Variants in FAM91A1 observed in about 807,000 individuals in gnomAD.
The protein encoded by FAM91A1 is family with sequence similarity 91 member A1.
In FAM91A1, 41 loss-of-function variants were observed where a neutral mutation model predicts 113.5. The observed-to-expected ratio is 0.36, with a 90% CI of 0.28 to 0.47. The LOEUF (loss-of-function observed/expected upper bound fraction) is 0.47. FAM91A1 is among the 20% of genes least tolerant of loss of function. FAM91A1 has a pLI of 1.00. For missense variants in FAM91A1, 696 were observed against 1,001.2 expected, an observed-to-expected ratio of 0.70 and a Z score of 4.11; for synonymous variants, 307 against 347.9, an observed-to-expected ratio of 0.88 and a Z score of 1.31.
chr8:123,787,275 G>C lies in FAM91A1; in HGVS notation c.1093G>C (p.Val365Leu). The C allele has an allele frequency of 1.2e-6, 2 of 1,610,492 alleles. No homozygotes were observed. The highest frequency in any genetic ancestry group is 2.2e-5 in the South Asian group (2 of 90,848). Residue 365 changes from valine to leucine, a missense_variant, in exon 13 of 24, where the codon GTA (valine) becomes CTA (leucine). By Grantham distance (32) the Val-to-Leu change is conservative. Transcript: ENST00000334705. ...GTGTTTTTCAGCTGACACAGCCAGTGTAAGCAGCCTGAGTCTGTCTACAGG... is the reference window on the plus strand; with the variant it reads ...GTGTTTTTCAGCTGACACAGCCAGTCTAAGCAGCCTGAGTCTGTCTACAGG... The part of the protein sequence containing the change: ...SQEDPADTAS[V>L]SSLSLSTGHT...
intron 1 of FAM91A1, among the ~76,000 whole-genome samples, chr8:123,770,177 T>G (rs1295844185): frequency 2.6e-5 from 4 of 152,182 alleles, no homozygotes; most frequent in Admixed American, 6.5e-5. Flanking sequence ...GGTCTCGATA[T>G]CTTGACCTCA....
chr8:123,806,082 T>G lies in FAM91A1; in HGVS notation c.1885T>G (p.Phe629Val), dbSNP rs1169042776. 1 of 1,587,126 alleles carries G rather than the reference T, an allele frequency of 6.3e-7. No individual in the cohort carries two copies. The highest frequency in any genetic ancestry group is 8.6e-7 in the Non-Finnish European group (1 of 1,164,032). Reference protein sequence around the residue: ...PFDETELQGEFTRVNMGVHKA... With the variant: ...PFDETELQGEVTRVNMGVHKA... ...TGTGATGTCCGTTCTGTTTGTAGAG[T>G]TCACTCGTGTCAATATGGGTGTTCA... The change falls in exon 20 of 24, where the codon TTC becomes GTC. Residue 629 changes from phenylalanine to valine, a missense_variant and splice_region_variant. Phe to Val is a conservative substitution (Grantham distance 50). Coordinates refer to ENST00000334705, the MANE Select transcript of FAM91A1 (RefSeq NM_144963.4).
chr8:123,803,031 G>C (rs534850236), intron 18 of FAM91A1, among the ~76,000 whole-genome samples: 3 of 152,290 alleles, frequency 2.0e-5, no homozygotes, highest in Admixed American at 6.5e-5. Context: ...AGGGTGGCTG[G>C]GTGCAGTGGC....
At chr8:123,800,008 A>C in intron 18 of FAM91A1, 123 bp downstream of exon 18, 1 of 842,060 alleles carries the variant, frequency 1.2e-6, no homozygotes, top group South Asian at 2.1e-5. Flanking sequence ...AATGTAAAAA[A>C]TCAGAGATAT....
chr8:123,784,579 A>G lies in FAM91A1; in HGVS notation c.810+3A>G, dbSNP rs778450306. ...ATGAGCACACAAATGTTGCAGAGGTAAGTTTGACAACGTCTCATGAAAATA... is the reference window on the plus strand; with the variant it reads ...ATGAGCACACAAATGTTGCAGAGGTGAGTTTGACAACGTCTCATGAAAATA... On this transcript the variant is annotated splice_donor_region_variant and intron_variant, in intron 9 of 23. Transcript: ENST00000334705. 2.5e-6 allele frequency: 4 copies of G among 1,579,510 alleles called. No individual in the cohort carries two copies. Among genetic ancestry groups the G allele is most frequent in the East Asian group, 2.3e-5 (1 of 44,044 alleles).
At chr8:123,785,517 G>T (rs887482899) in intron 10 of FAM91A1, 112 bp from the exon 11 acceptor site, 11 of 728,204 alleles carry the variant, frequency 1.5e-5, no homozygotes, top group Non-Finnish European at 2.3e-5. Flanking sequence ...CTGGTTACGG[G>T]ATGAAAATGT....
In FAM91A1 at chr8:123,778,065, T is replaced by A; in HGVS notation, c.408T>A (p.Asp136Glu). 1 of 1,612,750 alleles carries A rather than the reference T, an allele frequency of 6.2e-7. No homozygotes were observed. The highest frequency in any genetic ancestry group is 1.1e-5 in the South Asian group (1 of 91,018). ...LLGIGRNQYI[D>E]LMNQCRSSKK... The stretch of plus-strand genomic sequence containing the variant: ...GCATAGGAAGAAACCAGTATATTGA[T>A]CTTATGAATCAGTGTAGATCATCAA... Residue 136 changes from aspartate (D) to glutamate (E), a missense_variant, in exon 5 of 24, where the codon GAT (aspartate) becomes GAA (glutamate). Asp to Glu is a conservative substitution (Grantham distance 45). Transcript: ENST00000334705.
intron 7 of FAM91A1, 41 bp downstream of exon 7, chr8:123,780,116 CT>C (rs770329558): frequency 1.3e-6 from 2 of 1,564,630 alleles, no homozygotes; most frequent in Admixed American, 3.5e-5. Flanking sequence ...AACATAAAAA[CT>C]TGTTTTAAAC....
chr8:123,778,824 A>G, intron 6 of FAM91A1, 52 bp downstream of exon 6: 1 of 1,201,896 alleles, frequency 8.3e-7, no homozygotes, highest in Non-Finnish European at 1.1e-6. Flanking sequence ...AGTTTATTTT[A>G]CAATTTTTAA....
chr8:123,770,153 A>G (rs1444614245), intron 1 of FAM91A1, among the ~76,000 whole-genome samples: 1 of 152,030 alleles, frequency 6.6e-6, no homozygotes, highest in Non-Finnish European at 1.5e-5. Flanking sequence ...GGGTTTCATC[A>G]TGTTGGCCAG....
In FAM91A1 at chr8:123,806,149, A is replaced by G. The variant is rs760489606; in HGVS notation, c.1952A>G (p.His651Arg). The change falls in exon 20 of 24, where the codon CAT becomes CGT. Residue 651 changes from histidine (H) to arginine (R), a missense_variant. Transcript: ENST00000334705. ...QILRNRVDLQ[H>R]LCGYVTMLNA... ...CTAAGGAACAGAGTGGACTTACAGC[A>G]TCTCTGTGGATATGTCACCATGTTG... The G allele has an allele frequency of 1.2e-6, 2 of 1,613,540 alleles. No individual in the cohort carries two copies. The highest frequency in any genetic ancestry group is 2.2e-5 in the East Asian group (1 of 44,858).
At chr8:123,780,204 T>G (rs945125711) in intron 7 of FAM91A1, 129 bp downstream of exon 7, 10 of 828,930 alleles carry the variant, frequency 1.2e-5, no homozygotes, top group African/African-American at 1.7e-5. Flanking sequence ...TTGTTTGAAA[T>G]GTGACCTTAG....
At chr8:123,797,041 CAG>C (rs988199213) in intron 15 of FAM91A1, among the ~76,000 whole-genome samples, 3 of 151,646 alleles carry the variant, frequency 2.0e-5, no homozygotes, top group South Asian at 2.1e-4. Context: ...AGCCTGTCGA[CAG>C]AGTGAGACTC....
intron 21 of FAM91A1, 172 bp from the exon 22 acceptor site, chr8:123,808,721 A>G: frequency 1.7e-6 from 1 of 584,212 alleles, no homozygotes; most frequent in East Asian, 3.0e-5. Flanking sequence ...TCCTGTTTAG[A>G]GATTAACTGA....
rs1393962859 is a variant in FAM91A1, at chr8:123,778,058, A to G, written c.401A>G (p.Tyr134Cys). ...CTTCTTGGCATAGGAAGAAACCAGT[A>G]TATTGATCTTATGAATCAGTGTAGA... ...LRLLGIGRNQ[Y>C]IDLMNQCRSS... The change falls in exon 5 of 24, where the codon TAT becomes TGT. Residue 134 changes from tyrosine (Y) to cysteine (C), a missense_variant. Coordinates refer to ENST00000334705, the MANE Select transcript of FAM91A1 (RefSeq NM_144963.4). The G allele has an allele frequency of 3.1e-6, 5 of 1,612,672 alleles. No homozygotes were observed. Among genetic ancestry groups the G allele is most frequent in the Non-Finnish European group, 4.2e-6 (5 of 1,179,378 alleles).
intron 1 of FAM91A1, among the ~76,000 whole-genome samples, chr8:123,772,437 A>C (rs529058600): frequency 2.0e-5 from 3 of 152,324 alleles, no homozygotes; most frequent in Admixed American, 6.5e-5. Context: ...TGTCAGTACA[A>C]CGACCCTGGC....
At chr8:123,800,837 T>G (rs893532304) in intron 18 of FAM91A1, among the ~76,000 whole-genome samples, 13 of 152,164 alleles carry the variant, frequency 8.5e-5, no homozygotes, top group Non-Finnish European at 1.3e-4. Flanking sequence ...GTTCATCATG[T>G]TGTCATAGTA....
chr8:123,777,927 G>A lies in FAM91A1; in HGVS notation c.368-98G>A, dbSNP rs374275968. ...ATTGATATTTGACTAGTAATTGAAA[G>A]ATGAAAATAAGCTCGGGTTTTTCCT... On this transcript the variant is annotated intron_variant, in intron 4 of 23. Coordinates refer to ENST00000334705, the MANE Select transcript of FAM91A1 (RefSeq NM_144963.4). 4.0e-3 allele frequency: 3,958 copies of A among 986,340 alleles called. 152 individuals carry two copies. The South Asian group carries it at 0.057, about 14-fold the overall frequency. The allele number at this position is 986,340 out of a possible 1,614,324, so 61.1% of individuals were successfully genotyped here.
rs190090064 is a variant in FAM91A1 at position 123,814,233 on chromosome 8, C to T, written c.*1529C>T. Reference sequence around the variant, plus strand: ...AATACTAATATTAAATAATTTCTTACGACTCTGAGTCACTCACTTATTTTT... The same window carrying T: ...AATACTAATATTAAATAATTTCTTATGACTCTGAGTCACTCACTTATTTTT... On this transcript the variant is annotated 3_prime_UTR_variant, in exon 24 of 24. Coordinates refer to ENST00000334705, the MANE Select transcript of FAM91A1 (RefSeq NM_144963.4). 3.2e-4 allele frequency: 120 copies of T among 369,360 alleles called. No individual in the cohort carries two copies. The highest frequency in any genetic ancestry group is 2.1e-3 in the African/African-American group (93 of 44,644). 22.9% of individuals were successfully genotyped at this position (369,360 alleles called of 1,614,324 possible).
Sources: gnomAD v4.1 joint callset for allele counts (sites outside exome capture counted in the v4.1 genomes callset) on GRCh38, gnomAD v4.1.1 for gene constraint, MANE v1.5 for transcripts, NCBI Gene and HGNC (gene_info 2026-07-23, HGNC 2026-07-21) for gene names.